The following HCFC1 variants were observed in gnomAD, a reference collection of about 807,000 sequenced individuals.
HCFC1 encodes host cell factor 1.
In HCFC1, 7 loss-of-function variants were observed where a neutral mutation model predicts 105.5. The observed-to-expected ratio is 0.07, with a 90% CI of 0.04 to 0.12. HCFC1 has a LOEUF of 0.12. Ranked by LOEUF, HCFC1 falls within the 10% of genes least tolerant of loss-of-function variation. HCFC1 has a pLI of 1.00. For missense variants in HCFC1, 1,065 were observed against 1,823.6 expected (o/e 0.58, Z 7.58); for synonymous variants, 918 against 828.1 (o/e 1.11, Z -1.86).
rs368703173 is a variant in HCFC1 at position 153,948,996 on chromosome X, G to A, written c.*351C>T. On this transcript the variant is annotated 3_prime_UTR_variant, in exon 26 of 26. Transcript: ENST00000310441. ...TTTCCTCCCCTCCATGCCTGCCCCC[G>A]ACCTGGCCCTCAGGAACGCACAGCC... 37 of 136,257 alleles carry A rather than the reference G, an allele frequency of 2.7e-4. 1 individual carries two copies. The East Asian group carries it at 7.8e-3, about 29-fold the overall frequency. The allele number at this position is 136,257 out of a possible 1,213,427, so 11.2% of individuals were successfully genotyped here.
intron 4 of HCFC1, among the ~76,000 whole-genome samples, 153 bp downstream of exon 4, chrX:153,963,072 C>T (rs2065444258): frequency 8.9e-6 from 1 of 112,260 alleles, no homozygotes; most frequent in African/African-American, 3.2e-5. Context: ...GGGTTCCCCA[C>T]CCTGGCCCAC....
chrX:153,954,404 G>A lies in HCFC1; in HGVS notation c.3995C>T (p.Thr1332Met), dbSNP rs1281684187. 12 of 1,211,307 alleles carry A rather than the reference G, an allele frequency of 9.9e-6. No individual in the cohort carries two copies. Among genetic ancestry groups the A allele is most frequent in the Non-Finnish European group, 1.3e-5 (12 of 895,024 alleles). The change falls in exon 17 of 26, where the codon ACG becomes ATG. Residue 1332 changes from threonine (T) to methionine (M), a missense_variant. Thr to Met is a moderately conservative substitution (Grantham distance 81). This residue lies in a region of HCFC1 where 546 missense variants were observed against 599.9 expected (regional missense o/e 0.91). Coordinates refer to ENST00000310441, the MANE Select transcript of HCFC1 (RefSeq NM_005334.3). ...CCCGTTTGAAGTAGCGGTGGTGGCC[G>A]TGTGGGTGGTGCCCGTCTCGTGGGT... is the stretch of plus-strand genomic sequence containing the variant. ...CETHETGTTH[T>M]ATTATSNGGT...
At position 153,955,196 on chromosome X, in the gene HCFC1, T is replaced by G. The variant is rs2065363019; in HGVS notation, c.3203A>C (p.Asn1068Thr). 1 of 1,210,018 alleles carries G rather than the reference T, an allele frequency of 8.3e-7. No individual in the cohort carries two copies. The change falls in exon 17 of 26, where the codon AAT becomes ACT. Residue 1068 changes from asparagine (N) to threonine (T), a missense_variant. Transcript: ENST00000310441. ...CGAACAGACTCGGACCACGCTACCA[T>G]TCTGCTGGCCCACAGTCGAGGTCAC... ...SLVTSTVGQQ[N>T]GSVVRVCSNP... is the part of the protein sequence containing the mutation.
At chrX:153,959,579 G>A in intron 8 of HCFC1, 88 bp from the exon 9 acceptor site, 1 of 1,083,631 alleles carries the variant, frequency 9.2e-7, no homozygotes, top group Non-Finnish European at 1.3e-6. Flanking sequence ...CACTTCTGTT[G>A]GCCTGCTTGT....
Position 153,948,638 on chromosome X carries a change from CACA to C in HCFC1, c.*706_*708del, listed in dbSNP as rs1228900308. The stretch of plus-strand genomic sequence containing the variant: ...ACTTCACCAATTGCAACCTAAAAAA[CACA>C]ACAAATGCAGCAGTTGGCAGTGCGG... On this transcript the variant is annotated 3_prime_UTR_variant, in exon 26 of 26. Transcript: ENST00000310441. 8.8e-6 allele frequency: 1 copy of C among 113,410 alleles called. No homozygotes were observed. The highest frequency in any genetic ancestry group is 4.2e-3 in the Middle Eastern group (1 of 240). 9.3% of individuals were successfully genotyped at this position (113,410 alleles called of 1,213,427 possible).
chrX:153,954,419 G>A lies in HCFC1; in HGVS notation c.3980C>T (p.Thr1327Met), dbSNP rs781976433. ...CSNPPCETHE[T>M]GTTHTATTAT... ...GGTGGTGGCCGTGTGGGTGGTGCCC[G>A]TCTCGTGGGTCTCGCATGGCGGGTT... The change falls in exon 17 of 26, where the codon ACG (threonine) becomes ATG (methionine). Residue 1327 changes from threonine (T) to methionine (M), a missense_variant. Physicochemically the swap from Thr to Met is moderately conservative, Grantham distance 81. This residue lies in a region of HCFC1 where 546 missense variants were observed against 599.9 expected (regional missense o/e 0.91). Coordinates refer to ENST00000310441, the MANE Select transcript of HCFC1 (RefSeq NM_005334.3). The A allele has an allele frequency of 8.3e-6, 10 of 1,210,489 alleles. No individual in the cohort carries two copies. Among genetic ancestry groups the A allele is most frequent in the South Asian group, 3.5e-5 (2 of 56,876 alleles).
At chrX:153,968,652 G>A (rs1431097861) in intron 1 of HCFC1, among the ~76,000 whole-genome samples, 1 of 112,551 alleles carries the variant, frequency 8.9e-6, no homozygotes, top group Non-Finnish European at 1.9e-5. Flanking sequence ...TGCCAAAGTG[G>A]TCAATTCATT....
intron 1 of HCFC1, chrX:153,969,486 CG>C (rs1272848273): frequency 8.9e-6 from 1 of 112,717 alleles, no homozygotes; most frequent in African/African-American, 3.2e-5. Context: ...TGCCTGGGAC[CG>C]AACTCACCCT....
chrX:153,963,151 C>T (rs1256938369), intron 4 of HCFC1, 74 bp downstream of exon 4: 6 of 779,780 alleles, frequency 7.7e-6, no homozygotes, highest in African/African-American at 4.1e-5. Flanking sequence ...CATACAACAG[C>T]GCCACCCACG....
rs375812900 is a variant in HCFC1, at chrX:153,956,655, C to T, written c.2605G>A (p.Val869Ile). 1.7e-6 allele frequency: 2 copies of T among 1,210,352 alleles called. No homozygotes were observed. The highest frequency in any genetic ancestry group is 3.5e-5 in the African/African-American group (2 of 57,373). ...PVTVSAVKPA[V>I]TTLVVKGTTG... ...GTGCCTTTCACAACCAACGTGGTGA[C>T]GGCTGGCTTGACGGCGGAGACGGTG... is the stretch of plus-strand genomic sequence containing the variant. Residue 869 changes from valine to isoleucine, a missense_variant, in exon 15 of 26, where the codon GTC becomes ATC. Physicochemically the swap from Val to Ile is conservative, Grantham distance 29. Around this residue, in one of 17 missense-constraint regions of HCFC1, gnomAD observed 137 missense variants for 378.2 expected, o/e 0.36. Transcript: ENST00000310441.
intron 2 of HCFC1, 100 bp from the exon 3 acceptor site, chrX:153,964,384 C>T (rs1402036115): frequency 9.6e-6 from 9 of 939,963 alleles, no homozygotes; most frequent in African/African-American, 8.0e-5. Context: ...CGGGGGTGAG[C>T]GAGGTGCCTT....
Position 153,955,336 on chromosome X carries a change from G to A in HCFC1, c.3063C>T (p.His1021=), listed in dbSNP as rs1557114546. The A allele has an allele frequency of 2.5e-6, 3 of 1,210,767 alleles. No individual in the cohort carries two copies. Among genetic ancestry groups the A allele is most frequent in the African/African-American group, 3.5e-5 (2 of 57,546 alleles). Reference sequence around the variant, plus strand: ...TGGCCGTGTTGGTGGTGCCAGTCTCGTGGGTCTCACAGGGTGGGTTGGAGC... The same window carrying A: ...TGGCCGTGTTGGTGGTGCCAGTCTCATGGGTCTCACAGGGTGGGTTGGAGC... ...LVCSNPPCET[H]ETGTTNTATT... The change falls in exon 17 of 26, where the codon CAC becomes CAT. Residue 1021 remains histidine (H), a synonymous_variant. Coordinates refer to ENST00000310441, the MANE Select transcript of HCFC1 (RefSeq NM_005334.3).
Position 153,958,616 on chromosome X carries a change from T to A in HCFC1, c.1756A>T (p.Thr586Ser). ...TTCACAGTGGCTGGGAGGGTGGTAG[T>A]GCCAGGTGTCACAGCCATGGTCTTC... is the stretch of plus-strand genomic sequence containing the variant. Reference protein sequence around the residue: ...IVKTMAVTPGTTTLPATVKVA... With the variant: ...IVKTMAVTPGSTTLPATVKVA... Residue 586 changes from threonine (T) to serine (S), a missense_variant, in exon 10 of 26, where the codon ACT becomes TCT. Coordinates refer to ENST00000310441, the MANE Select transcript of HCFC1 (RefSeq NM_005334.3). 8.3e-7 allele frequency: 1 copy of A among 1,208,862 alleles called. No homozygotes were observed. Among genetic ancestry groups the A allele is most frequent in the South Asian group, 1.8e-5 (1 of 56,631 alleles).
Position 153,947,775 on chromosome X carries a change from T to C in HCFC1, c.*1572A>G, listed in dbSNP as rs1557111321. On this transcript the variant is annotated 3_prime_UTR_variant, in exon 26 of 26. Coordinates refer to ENST00000310441, the MANE Select transcript of HCFC1 (RefSeq NM_005334.3). ...TGACATTTTCCACAGCGAAATATAC[T>C]ATAATACAACAAACCAGAGGCCCTG... 1 of 110,995 alleles carries C rather than the reference T, an allele frequency of 9.0e-6. No homozygotes were observed. Among genetic ancestry groups the C allele is most frequent in the African/African-American group, 3.3e-5 (1 of 30,446 alleles). 9.1% of individuals were successfully genotyped at this position (110,995 alleles called of 1,213,427 possible).
intron 1 of HCFC1, among the ~76,000 whole-genome samples, chrX:153,968,388 C>A (rs782172894): frequency 8.9e-6 from 1 of 112,214 alleles, no homozygotes; most frequent in South Asian, 3.7e-4. Context: ...TGAGAATATG[C>A]CCTGATCTCA....
At chrX:153,953,004 G>T in intron 18 of HCFC1, 46 bp from the exon 19 acceptor site, 2 of 1,046,996 alleles carry the variant, frequency 1.9e-6, no homozygotes, top group Non-Finnish European at 1.3e-6. Flanking sequence ...AAGTTTCTGT[G>T]TTGGCTATGG....
intron 6 of HCFC1, among the ~76,000 whole-genome samples, chrX:153,960,931 A>G (rs1557116702): frequency 1.8e-5 from 2 of 112,715 alleles, no homozygotes; most frequent in African/African-American, 6.5e-5. Flanking sequence ...ACGTGGGCAC[A>G]GCCTCTGTGC....
rs1489420893 is a variant in HCFC1, at chrX:153,970,571, GGAGGGAGGAAAGAGGAGGGA to G, written c.193+57_193+76del. On this transcript the variant is annotated intron_variant, in intron 1 of 25. Coordinates refer to ENST00000310441, the MANE Select transcript of HCFC1 (RefSeq NM_005334.3). ...GAGGAGAGGGAGGGAGCAGATGGAG[GGAGGGAGGAAAGAGGAGGGA>G]GAGGGAGGAGATGGAGGGAGGGAAA... 46 of 695,341 alleles carry G rather than the reference GGAGGGAGGAAAGAGGAGGGA, an allele frequency of 6.6e-5. No individual in the cohort carries two copies. In the Admixed American group the frequency reaches 1.5e-3, roughly 23 times the overall value. The allele number at this position is 695,341 out of a possible 1,213,427, so 57.3% of individuals were successfully genotyped here. A position where few individuals can be genotyped will look rare whatever the true frequency, so the allele number is the denominator to read the frequency against.
At chrX:153,957,710 G>A (rs2065391425) in intron 12 of HCFC1, 72 bp downstream of exon 12, 1 of 849,745 alleles carries the variant, frequency 1.2e-6, no homozygotes. Flanking sequence ...CCATGGGCAG[G>A]GACATGAGTT....
Sources: gnomAD v4.1 joint callset for allele counts (sites outside exome capture counted in the v4.1 genomes callset) on GRCh38, gnomAD v4.1.1 for gene constraint, gnomAD v4.1.1 regional missense constraint, MANE v1.5 for transcripts, NCBI Gene and HGNC (gene_info 2026-07-23, HGNC 2026-07-21) for gene names.